The following CHUK variants were observed in gnomAD, a reference collection of about 807,000 sequenced individuals.
CHUK encodes the protein inhibitor of nuclear factor kappa-B kinase subunit alpha.
Under a neutral mutation model 104.8 loss-of-function variants are expected in CHUK, and 35 were observed. The observed-to-expected ratio is 0.33, with a 90% CI of 0.26 to 0.44. The LOEUF is 0.44. Among genes scored for constraint, CHUK ranks in the 20% least tolerant of loss-of-function variants. The probability of loss-of-function intolerance (pLI) is 1.00; values close to 1 mark genes in which losing one functional copy is unlikely to be tolerated. For missense variants in CHUK, 663 were observed against 902.7 expected (o/e 0.73, Z 3.40); for synonymous variants, 276 against 291.9 (o/e 0.95, Z 0.56).
chr10:100,190,944 T>C lies in CHUK; in HGVS notation c.2133A>G (p.Glu711=). 1 of 1,610,758 alleles carries C rather than the reference T, an allele frequency of 6.2e-7. No individual in the cohort carries two copies. Among genetic ancestry groups the C allele is most frequent in the Non-Finnish European group, 8.5e-7 (1 of 1,176,882 alleles). ...AATGGCCAAGGCAGTTCAAATTTTC[T>C]TCTATCATTTGTGCTGAAGTCTCCC... The part of the protein sequence containing the change: ...QDGETSAQMI[E]ENLNCLGHLS... Residue 711 remains glutamate, a synonymous_variant, in exon 20 of 21, where the codon GAA becomes GAG. Transcript: ENST00000370397.
At chr10:100,193,511 AG>A (rs1845253258) in intron 18 of CHUK, 80 bp from the exon 19 acceptor site, 1 of 1,537,410 alleles carries the variant, frequency 6.5e-7, no homozygotes, top group African/African-American at 1.4e-5. Flanking sequence ...CATATTCCTA[AG>A]ACTTACATTT....
intron 9 of CHUK, among the ~76,000 whole-genome samples, chr10:100,211,324 T>C (rs1305831374): frequency 6.6e-6 from 1 of 152,226 alleles, no homozygotes; most frequent in Non-Finnish European, 1.5e-5. Flanking sequence ...GTTATATATT[T>C]GAGTTATACA....
chr10:100,200,031 G>C lies in CHUK; in HGVS notation c.1680-11C>G. The C allele has an allele frequency of 6.2e-7, 1 of 1,601,784 alleles. No homozygotes were observed. Among genetic ancestry groups the C allele is most frequent in the Non-Finnish European group, 8.6e-7 (1 of 1,168,946 alleles). ...ATGGCACGCTGTTCCCTATAAAAGAGAAAACACGCTCTGATAAGTGAAGGT... is the reference window on the plus strand; with the variant it reads ...ATGGCACGCTGTTCCCTATAAAAGACAAAACACGCTCTGATAAGTGAAGGT... On this transcript the variant is annotated splice_polypyrimidine_tract_variant and intron_variant, in intron 15 of 20. Coordinates refer to ENST00000370397, the MANE Select transcript of CHUK (RefSeq NM_001278.5).
At chr10:100,207,117 C>T (rs1845606422) in intron 11 of CHUK, 113 bp downstream of exon 11, 1 of 700,366 alleles carries the variant, frequency 1.4e-6, no homozygotes, top group Non-Finnish European at 2.6e-6. Flanking sequence ...ATAGAAACTT[C>T]AAGTATGAGA....
Position 100,229,523 on chromosome 10 carries a change from G to A in CHUK, c.10C>T (p.Pro4Ser), listed in dbSNP as rs765365855. 7.8e-6 allele frequency: 12 copies of A among 1,545,684 alleles called. No homozygotes were observed. The highest frequency in any genetic ancestry group is 2.4e-5 in the East Asian group (1 of 41,516). Residue 4 changes from proline (P) to serine (S), a missense_variant, in exon 1 of 21, where the codon CCC becomes TCC. Coordinates refer to ENST00000370397, the MANE Select transcript of CHUK (RefSeq NM_001278.5). MERPPGLRPGAGGP... is the reference protein window; with the variant it reads MERSPGLRPGAGGP... ...CCCGCGCCCGGCCGCAGCCCCGGGG[G>A]CCGCTCCATGGGGCGGGAGGGCAAG...
At chr10:100,212,933 G>A (rs117492154) in intron 9 of CHUK, among the ~76,000 whole-genome samples, 8,902 of 150,422 alleles carry the variant, frequency 0.059, 290 homozygotes, top group African/African-American at 0.085. Flanking sequence ...CTGAACCTGG[G>A]AGATCAAGGC....
chr10:100,204,486 T>C lies in CHUK; in HGVS notation c.1507+20A>G, dbSNP rs1270990341. 6.2e-7 allele frequency: 1 copy of C among 1,608,464 alleles called. No individual in the cohort carries two copies. The highest frequency in any genetic ancestry group is 1.3e-5 in the African/African-American group (1 of 74,804). On this transcript the variant is annotated intron_variant, in intron 13 of 20. Coordinates refer to ENST00000370397, the MANE Select transcript of CHUK (RefSeq NM_001278.5). ...CAAGAAACCAGATGCTCCTTTCAAA[T>C]ACATTACACAGACACTTACATATCC... is the stretch of plus-strand genomic sequence containing the variant.
At position 100,219,326 on chromosome 10, in the gene CHUK, T is replaced by A; in HGVS notation, c.508A>T (p.Lys170Ter). ...IHKIIDLGYA[K>*]DVDQGSLCTS... ...CACAGACTTCCTTGATCAACATCTTTGGCATATCCCAGATCAATTATTTTA... is the reference window on the plus strand; with the variant it reads ...CACAGACTTCCTTGATCAACATCTTAGGCATATCCCAGATCAATTATTTTA... Residue 170 changes from lysine to a stop codon, truncating the protein, a stop_gained, in exon 6 of 21, where the codon AAA becomes TAA. Coordinates refer to ENST00000370397, the MANE Select transcript of CHUK (RefSeq NM_001278.5). LOFTEE classifies it high-confidence loss of function. The A allele has an allele frequency of 6.3e-7, 1 of 1,595,584 alleles. No homozygotes were observed. Among genetic ancestry groups the A allele is most frequent in the Non-Finnish European group, 8.6e-7 (1 of 1,163,078 alleles).
Position 100,189,578 on chromosome 10 carries a change from G to T in CHUK, c.*20C>A. Reference sequence around the variant, plus strand: ...TAGCAACAACTTCCATAGGTTTGGGGACAGTGAACAAGTGACAACTCATTC... The same window carrying T: ...TAGCAACAACTTCCATAGGTTTGGGTACAGTGAACAAGTGACAACTCATTC... On this transcript the variant is annotated 3_prime_UTR_variant, in exon 21 of 21. Transcript: ENST00000370397. The T allele has an allele frequency of 1.2e-6, 2 of 1,603,890 alleles. No homozygotes were observed. Among genetic ancestry groups the T allele is most frequent in the Non-Finnish European group, 1.7e-6 (2 of 1,170,724 alleles).
At chr10:100,228,402 T>C (rs1047232586) in intron 1 of CHUK, among the ~76,000 whole-genome samples, 1 of 152,154 alleles carries the variant, frequency 6.6e-6, no homozygotes, top group African/African-American at 2.4e-5. Flanking sequence ...GCCTATAATC[T>C]CTGCACTTTG....
chr10:100,228,991 G>GCACACACACACA (rs576139683), intron 1 of CHUK, among the ~76,000 whole-genome samples: 142 of 114,970 alleles, frequency 1.2e-3, no homozygotes, highest in African/African-American at 1.2e-3. Flanking sequence ...GCGCGCGCGC[G>GCACACACACACA]CGCACACACA....
chr10:100,194,297 A>G (rs529154499), intron 17 of CHUK, 128 bp downstream of exon 17: 1 of 1,048,080 alleles, frequency 9.5e-7, no homozygotes, highest in South Asian at 1.3e-5. Context: ...GCTATGGCCA[A>G]GCTACCCAAG....
intron 18 of CHUK, 59 bp from the exon 19 acceptor site, chr10:100,193,490 C>T: frequency 6.3e-7 from 1 of 1,592,252 alleles, no homozygotes; most frequent in Non-Finnish European, 8.6e-7. Context: ...TTGATTCACA[C>T]AATTTCTTAT....
chr10:100,219,356 T>C lies in CHUK; in HGVS notation c.478A>G (p.Ile160Val). The change falls in exon 6 of 21, where the codon ATA becomes GTA. Residue 160 changes from isoleucine (I) to valine (V), a missense_variant. This residue lies in a region of CHUK where 200 missense variants were observed against 333.0 expected (regional missense o/e 0.60). Coordinates refer to ENST00000370397, the MANE Select transcript of CHUK (RefSeq NM_001278.5). ...IVLQDVGGKIIHKIIDLGYAK... is the reference protein window; with the variant it reads ...IVLQDVGGKIVHKIIDLGYAK... ...TATCCCAGATCAATTATTTTATGTA[T>C]TATCTGCAAAATAATAAGACAGATT... The C allele has an allele frequency of 6.7e-7, 1 of 1,483,390 alleles. No individual in the cohort carries two copies. The highest frequency in any genetic ancestry group is 1.1e-5 in the South Asian group (1 of 88,466). The allele number at this position is 1,483,390 out of a possible 1,614,324, so 91.9% of individuals were successfully genotyped here.
At chr10:100,188,006 A>G (rs1034433628), downstream of CHUK, 2 of 151,350 alleles carry the variant, frequency 1.3e-5, no homozygotes, top group Non-Finnish European at 2.9e-5. Flanking sequence ...CCAGGGAAAC[A>G]AGAGAGAGAC....
intron 1 of CHUK, among the ~76,000 whole-genome samples, chr10:100,228,993 GCA>G (rs59218517): frequency 0.19 from 25,255 of 133,398 alleles, 2,618 homozygotes; most frequent in East Asian, 0.39. Flanking sequence ...GCGCGCGCGC[GCA>G]CACACACACA....
chr10:100,219,222 A>T, intron 6 of CHUK, 48 bp downstream of exon 6: 1 of 1,549,658 alleles, frequency 6.5e-7, no homozygotes, highest in South Asian at 1.1e-5. Flanking sequence ...TTCAGAAATA[A>T]GAGAATCCTA....
At chr10:100,186,627 G>C (rs1254621523), downstream of CHUK, 1 of 152,294 alleles carries the variant, frequency 6.6e-6, no homozygotes, top group Non-Finnish European at 1.5e-5. Context: ...GGAGACCAAA[G>C]TAAGTACTTC....
At chr10:100,225,041 G>C (rs1278689560) in intron 2 of CHUK, among the ~76,000 whole-genome samples, 1 of 151,876 alleles carries the variant, frequency 6.6e-6, no homozygotes, top group Admixed American at 6.6e-5. Context: ...GTAGAGATGG[G>C]GTTTTGCCAT....
Sources: gnomAD v4.1 joint callset for allele counts (sites outside exome capture counted in the v4.1 genomes callset) on GRCh38, gnomAD v4.1.1 for gene constraint, gnomAD v4.1.1 regional missense constraint, MANE v1.5 for transcripts, NCBI Gene and HGNC (gene_info 2026-07-23, HGNC 2026-07-21) for gene names.